Variants in C8orf34 observed in about 807,000 individuals in gnomAD.
The protein encoded by C8orf34 is uncharacterized protein C8orf34.
A neutral mutation model predicts 68.3 loss-of-function variants in C8orf34; 65 were observed. That is an observed-to-expected ratio of 0.95 (90% CI 0.78 to 1.17). C8orf34 has a LOEUF of 1.17. Ranked by LOEUF, C8orf34 falls within the 50% of genes most tolerant of loss-of-function variation. The pLI is 0.00. For synonymous variants in C8orf34, 244 were observed against 241.2 expected (o/e 1.01, Z -0.11); for missense variants, 664 against 655.4 (o/e 1.01, Z -0.14).
chr8:68,592,641 G>T (rs1397114421), intron 7 of C8orf34, among the ~76,000 whole-genome samples: 1 of 126,640 alleles, frequency 7.9e-6, no homozygotes, highest in African/African-American at 3.1e-5. Context: ...TCGCTCTGTC[G>T]CCCAGGCTGG....
At chr8:68,747,016 C>T (rs1385848570) in intron 10 of C8orf34, among the ~76,000 whole-genome samples, 1 of 149,534 alleles carries the variant, frequency 6.7e-6, no homozygotes, top group Non-Finnish European at 1.5e-5. Context: ...TCCAGCAGCA[C>T]ATCAAAAAGC....
intron 10 of C8orf34, among the ~76,000 whole-genome samples, chr8:68,748,529 T>C (rs866872245): frequency 2.7e-4 from 41 of 151,678 alleles, no homozygotes; most frequent in African/African-American, 4.8e-4. Context: ...TGAACTCAAA[T>C]AAATTTACAA....
intron 10 of C8orf34, among the ~76,000 whole-genome samples, chr8:68,774,863 T>C (rs1233823723): frequency 6.7e-6 from 1 of 149,092 alleles, no homozygotes; most frequent in Non-Finnish European, 1.5e-5. Flanking sequence ...TTCCGGCACT[T>C]TGGGAGGCTA....
intron 7 of C8orf34, among the ~76,000 whole-genome samples, chr8:68,614,483 G>C (rs927050899): frequency 2.0e-5 from 3 of 152,148 alleles, no homozygotes; most frequent in Non-Finnish European, 1.5e-5. Context: ...ATAAGGAAGG[G>C]ATCCAGTTTC....
chr8:68,602,917 C>G (rs1057010008), intron 7 of C8orf34, among the ~76,000 whole-genome samples: 2 of 152,040 alleles, frequency 1.3e-5, no homozygotes, highest in African/African-American at 4.8e-5. Flanking sequence ...GTACTTTTTG[C>G]TAGAGCAAGA....
chr8:68,635,407 GAC>G (rs948193877), intron 7 of C8orf34, among the ~76,000 whole-genome samples: 37 of 152,256 alleles, frequency 2.4e-4, no homozygotes, highest in African/African-American at 8.9e-4. Flanking sequence ...CAGTATGAAA[GAC>G]ATTAATAAGT....
chr8:68,419,731 A>G (rs1439495193), intron 1 of C8orf34, among the ~76,000 whole-genome samples: 1 of 150,906 alleles, frequency 6.6e-6, no homozygotes, highest in East Asian at 2.0e-4. Flanking sequence ...CGCAAGAACA[A>G]AAAACCAAAC....
intron 7 of C8orf34, among the ~76,000 whole-genome samples, chr8:68,585,883 T>G (rs1817195523): frequency 6.6e-6 from 1 of 152,140 alleles, no homozygotes; most frequent in South Asian, 2.1e-4. Flanking sequence ...CAATGTCTTT[T>G]ATGAGTTAGC....
At chr8:68,672,922 A>T (rs1410396730) in intron 8 of C8orf34, among the ~76,000 whole-genome samples, 1 of 152,180 alleles carries the variant, frequency 6.6e-6, no homozygotes, top group East Asian at 1.9e-4. Context: ...TGTATCTTGG[A>T]TACCAGCTCA....
intron 6 of C8orf34, among the ~76,000 whole-genome samples, chr8:68,526,784 A>G (rs1815012081): frequency 6.6e-6 from 1 of 152,104 alleles, no homozygotes; most frequent in Non-Finnish European, 1.5e-5. Flanking sequence ...ATTTTTCACC[A>G]AAAAGAACGC....
intron 10 of C8orf34, among the ~76,000 whole-genome samples, chr8:68,739,880 A>G (rs1312607556): frequency 6.6e-6 from 1 of 152,204 alleles, no homozygotes; most frequent in Non-Finnish European, 1.5e-5. Context: ...GGCTACAGTA[A>G]CCAAAACAGC....
At chr8:68,529,008 G>A (rs967213777) in intron 6 of C8orf34, among the ~76,000 whole-genome samples, 2 of 152,164 alleles carry the variant, frequency 1.3e-5, no homozygotes, top group Admixed American at 6.5e-5. Context: ...AATCACCCAT[G>A]TAAGCTCATC....
At chr8:68,338,989 G>T (rs554421307) in intron 1 of C8orf34, among the ~76,000 whole-genome samples, 4 of 151,768 alleles carry the variant, frequency 2.6e-5, no homozygotes, top group African/African-American at 9.7e-5. Flanking sequence ...TTCTTTTCTT[G>T]TGATTATTTG....
intron 8 of C8orf34, among the ~76,000 whole-genome samples, chr8:68,668,452 A>T (rs1452515660): frequency 1.3e-5 from 2 of 152,210 alleles, no homozygotes; most frequent in African/African-American, 4.8e-5. Context: ...TCAACTTCAG[A>T]AGGGACACTG....
Position 68,774,944 on chromosome 8 carries a change from T to TAAAAAAA in C8orf34, c.1405-1438_1405-1432dup, listed in dbSNP as rs1224756627. ...CAACATGATGAAACCCTGTCTCCACTAAAAAAAAAAAAAAAAAAAAAAATT... is the reference window on the plus strand; with the variant it reads ...CAACATGATGAAACCCTGTCTCCACTAAAAAAAAAAAAAAAAAAAAAAAAAAAAAATT... On this transcript the variant is annotated intron_variant, in intron 10 of 13. Coordinates refer to ENST00000518698, the MANE Select transcript of C8orf34 (RefSeq NM_052958.4). Among the ~76,000 whole-genome samples the TAAAAAAA allele has an allele frequency of 1.2e-3, 52 of 44,664 alleles. 3 individuals carry two copies. Among genetic ancestry groups the TAAAAAAA allele is most frequent in the African/African-American group, 2.6e-3 (21 of 8,010 alleles). The allele number at this position is 44,664 out of a possible 152,430, so 29.3% of individuals were successfully genotyped here.
chr8:68,751,919 T>G (rs1331865158), intron 10 of C8orf34, among the ~76,000 whole-genome samples: 1 of 151,894 alleles, frequency 6.6e-6, no homozygotes, highest in Non-Finnish European at 1.5e-5. Context: ...ATCTCTTGTA[T>G]AAGTTCATCT....
In C8orf34 at chr8:68,506,289, T is replaced by A. The variant is rs531859800; in HGVS notation, c.766-15510T>A. Reference sequence around the variant, plus strand: ...TCCCACCAACAGTTCATAATTTTTTTAACTCCTGATCCTGGCCAACATTAT... The same window carrying A: ...TCCCACCAACAGTTCATAATTTTTTAAACTCCTGATCCTGGCCAACATTAT... On this transcript the variant is annotated intron_variant, in intron 5 of 13. Coordinates refer to ENST00000518698, the MANE Select transcript of C8orf34 (RefSeq NM_052958.4). Among the ~76,000 whole-genome samples, 108 of 152,366 alleles carry A rather than the reference T, an allele frequency of 7.1e-4. 1 individual carries two copies. The highest frequency in any genetic ancestry group is 2.4e-3 in the African/African-American group (101 of 41,588).
At chr8:68,782,032 A>C (rs998842480) in intron 11 of C8orf34, among the ~76,000 whole-genome samples, 6 of 152,222 alleles carry the variant, frequency 3.9e-5, no homozygotes, top group African/African-American at 1.4e-4. Context: ...AAATTTTAGT[A>C]TTTCAATCAA....
At chr8:68,524,579 C>A (rs1187576101) in intron 6 of C8orf34, among the ~76,000 whole-genome samples, 1 of 152,148 alleles carries the variant, frequency 6.6e-6, no homozygotes, top group East Asian at 1.9e-4. Flanking sequence ...GAGGAATTCA[C>A]CGAACAGAGA....
Sources: allele counts gnomAD v4.1 joint callset (sites outside exome capture counted in the v4.1 genomes callset), GRCh38; gene constraint gnomAD v4.1.1; transcripts MANE v1.5; gene names NCBI Gene and HGNC (gene_info 2026-07-23, HGNC 2026-07-21).